Variants in GRIP2 observed in about 807,000 individuals in gnomAD.
GRIP2 encodes the protein glutamate receptor-interacting protein 2.
GRIP2 carries 58 observed loss-of-function variants against 108.3 expected under a neutral mutation model. That is an observed-to-expected ratio of 0.54 (90% confidence interval 0.43 to 0.67). The LOEUF is 0.67. Among genes scored for constraint, GRIP2 ranks in the 30% least tolerant of loss-of-function variants. The pLI, the probability that GRIP2 is intolerant of heterozygous loss-of-function variation, is 0.00. For synonymous variants in GRIP2, 586 were observed against 598.2 expected, an observed-to-expected ratio of 0.98 and a Z score of 0.30; for missense variants, 1,278 against 1,430.6, an observed-to-expected ratio of 0.89 and a Z score of 1.72.
At chr3:14,502,822 T>C (rs1200689822) in intron 21 of GRIP2, among the ~76,000 whole-genome samples, 1 of 151,714 alleles carries the variant, frequency 6.6e-6, no homozygotes, top group Non-Finnish European at 1.5e-5. Context: ...AAATAGAAAA[T>C]AATAAAGCCA....
At chr3:14,528,286 C>A (rs1694617428) in intron 1 of GRIP2, among the ~76,000 whole-genome samples, 1 of 152,112 alleles carries the variant, frequency 6.6e-6, no homozygotes, top group African/African-American at 2.4e-5. Context: ...ATGGATATAC[C>A]AGTTTGTTTA....
chr3:14,507,475 T>G lies in GRIP2; in HGVS notation c.2218+86A>C. The G allele has an allele frequency of 3.3e-6, 5 of 1,514,300 alleles. No homozygotes were observed. The highest frequency in any genetic ancestry group is 4.6e-6 in the Non-Finnish European group (5 of 1,098,868). 93.8% of individuals were successfully genotyped at this position (1,514,300 alleles called of 1,614,324 possible). ...CCACAGGGCTGCAGTGAGGACTCTG[T>G]GAGGGTGTGCAGGCAAAGCCTGGCA... On this transcript the variant is annotated intron_variant, in intron 18 of 23. Transcript: ENST00000621039. This position sits in a 1 kb window ranked among gnomAD's most constrained non-coding sequence, Gnocchi z 4.6.
In GRIP2 at chr3:14,523,658, G is replaced by A. The variant is rs370757478; in HGVS notation, c.444C>T (p.Asp148=). ...TATTGCCCTCCTTGTAGAGGGAGAC[G>A]TCCACTGTCTTTGAAATGATCCTGG... ...NNPRIISKTV[D]VSLYKEGNSF... is the part of the protein sequence containing the mutation. The change falls in exon 5 of 24, where the codon GAC becomes GAT. Residue 148 remains aspartate, a synonymous_variant. Coordinates refer to ENST00000621039, the MANE Select transcript of GRIP2 (RefSeq NM_001080423.4). The A allele has an allele frequency of 1.5e-5, 24 of 1,612,266 alleles. No individual in the cohort carries two copies. The East Asian group carries it at 2.0e-4, about 13-fold the overall frequency.
At chr3:14,562,637 T>A in the GRIP2 span, among the ~76,000 whole-genome samples, 1 of 152,080 alleles carries the variant, frequency 6.6e-6, no homozygotes, top group Non-Finnish European at 1.5e-5. Context: ...GCTGAAGAAA[T>A]GACGGAATTG....
chr3:14,509,804 C>T lies in GRIP2; in HGVS notation c.2078+16G>A. 1 of 1,456,502 alleles carries T rather than the reference C, an allele frequency of 6.9e-7. No homozygotes were observed. Among genetic ancestry groups the T allele is most frequent in the Non-Finnish European group, 9.1e-7 (1 of 1,094,210 alleles). 90.2% of individuals were successfully genotyped at this position (1,456,502 alleles called of 1,614,324 possible). ...TCCCTGAGCCCACCATGCGTCCCCACAGAGCCCCAGTTCACCTCTCAGCCA... is the reference window on the plus strand; with the variant it reads ...TCCCTGAGCCCACCATGCGTCCCCATAGAGCCCCAGTTCACCTCTCAGCCA... On this transcript the variant is annotated intron_variant, in intron 17 of 23. Transcript: ENST00000621039.
At chr3:14,552,733 C>T (rs1316696507) in intron 1 of GRIP2, among the ~76,000 whole-genome samples, 1 of 151,686 alleles carries the variant, frequency 6.6e-6, no homozygotes, top group Admixed American at 6.6e-5. Flanking sequence ...GCTGGAATTA[C>T]AGGCGTGCGC....
chr3:14,529,278 C>CAAAAAA (rs78828207), intron 1 of GRIP2, among the ~76,000 whole-genome samples: 2 of 111,086 alleles, frequency 1.8e-5, no homozygotes, highest in African/African-American at 4.2e-5. Context: ...GACTCCGTCT[C>CAAAAAA]AAAAAAAAAA....
the GRIP2 span, among the ~76,000 whole-genome samples, chr3:14,597,387 C>G: frequency 2.1e-4 from 32 of 152,146 alleles, no homozygotes; most frequent in Non-Finnish European, 1.2e-4. Context: ...GCATGGCATG[C>G]TAAAACCTGA....
At chr3:14,536,211 G>C (rs1285026378) in intron 1 of GRIP2, among the ~76,000 whole-genome samples, 1 of 152,224 alleles carries the variant, frequency 6.6e-6, no homozygotes, top group Non-Finnish European at 1.5e-5. Flanking sequence ...CCTGGGCCAG[G>C]CCTGCTCTAA....
chr3:14,548,536 T>C (rs1475367288), intron 1 of GRIP2, among the ~76,000 whole-genome samples: 2 of 152,316 alleles, frequency 1.3e-5, no homozygotes, highest in East Asian at 3.9e-4. Flanking sequence ...ATCCCGTGCC[T>C]GTGACCGGCT....
At chr3:14,550,621 C>T (rs1695131443) in intron 1 of GRIP2, among the ~76,000 whole-genome samples, 1 of 152,222 alleles carries the variant, frequency 6.6e-6, no homozygotes, top group Admixed American at 6.5e-5. Flanking sequence ...TCTCCTCATG[C>T]ATAAAATGGG....
rs1405558265 is a variant in GRIP2, at chr3:14,493,555, G to C, written c.*110C>G. 1 of 1,283,974 alleles carries C rather than the reference G, an allele frequency of 7.8e-7. No homozygotes were observed. Among genetic ancestry groups the C allele is most frequent in the Non-Finnish European group, 1.1e-6 (1 of 948,568 alleles). 79.5% of individuals were successfully genotyped at this position (1,283,974 alleles called of 1,614,324 possible). A position where few individuals can be genotyped will look rare whatever the true frequency, so the allele number is the denominator to read the frequency against. ...AAGCATCATCCCAGGCTCAGAGTCT[G>C]CCAGACCAACAGATGAATGAGTGGG... On this transcript the variant is annotated 3_prime_UTR_variant, in exon 24 of 24. Coordinates refer to ENST00000621039, the MANE Select transcript of GRIP2 (RefSeq NM_001080423.4).
chr3:14,568,979 G>C, the GRIP2 span, among the ~76,000 whole-genome samples: 1 of 152,188 alleles, frequency 6.6e-6, no homozygotes, highest in Non-Finnish European at 1.5e-5. Flanking sequence ...GCTGTTGTGG[G>C]GGTAATGCAG....
At chr3:14,504,313 T>G (rs996933508) in intron 20 of GRIP2, among the ~76,000 whole-genome samples, 6 of 148,738 alleles carry the variant, frequency 4.0e-5, no homozygotes, top group Non-Finnish European at 6.0e-5. Context: ...TTGCTTGTTT[T>G]TTTTTTTTTT....
chr3:14,517,332 A>G (rs1029175869), intron 10 of GRIP2, 119 bp from the exon 11 acceptor site: 32 of 1,027,472 alleles, frequency 3.1e-5, no homozygotes, highest in Non-Finnish European at 4.4e-5. Context: ...CCCCCTTCAC[A>G]TCAGTTACTC....
intron 5 of GRIP2, chr3:14,523,288 T>G (rs894296906): frequency 1.7e-6 from 1 of 586,578 alleles, no homozygotes; most frequent in African/African-American, 1.9e-5. Context: ...CTTCTCTCTG[T>G]TAAATGGCTT....
upstream of GRIP2, among the ~76,000 whole-genome samples, chr3:14,557,377 T>G (rs1695254711): frequency 1.3e-5 from 2 of 152,306 alleles, no homozygotes; most frequent in East Asian, 3.9e-4. Context: ...AGACAAATAA[T>G]TTTAAACAAA....
rs371618883 is a variant in GRIP2 at position 14,493,800 on chromosome 3, G to A, written c.2997C>T (p.Phe999=). The change falls in exon 24 of 24, where the codon TTC becomes TTT. Residue 999 remains phenylalanine (F), a synonymous_variant. Coordinates refer to ENST00000621039, the MANE Select transcript of GRIP2 (RefSeq NM_001080423.4). The part of the protein sequence containing the change: ...LQVNHVRTRD[F]DCCLAVPLLA... ...GGAGTGGCACCGCCAGGCAGCAGTC[G>A]AAGTCCCGTGTACGGACGTGGTTGA... is the stretch of plus-strand genomic sequence containing the variant. 5.6e-5 allele frequency: 91 copies of A among 1,613,394 alleles called. No individual in the cohort carries two copies. Among genetic ancestry groups the A allele is most frequent in the South Asian group, 7.7e-5 (7 of 91,026 alleles).
the GRIP2 span, among the ~76,000 whole-genome samples, chr3:14,593,474 C>T: frequency 6.6e-6 from 1 of 152,194 alleles, no homozygotes; most frequent in Non-Finnish European, 1.5e-5. Context: ...TCGTTCAGTC[C>T]AGGCCAGTGG....
Sources: allele counts gnomAD v4.1 joint callset (sites outside exome capture counted in the v4.1 genomes callset), GRCh38; gene constraint gnomAD v4.1.1; non-coding constraint Gnocchi (gnomAD v3.1); transcripts MANE v1.5; gene names NCBI Gene and HGNC (gene_info 2026-07-23, HGNC 2026-07-21).